Variants in CDKL2 observed in about 807,000 individuals in gnomAD.
CDKL2 encodes cyclin dependent kinase like 2.
In CDKL2, 64 loss-of-function variants were observed where a neutral mutation model predicts 63.9. The ratio of observed to expected loss-of-function variants is 1.00; its 90% confidence interval spans 0.82 to 1.23. CDKL2 has a LOEUF of 1.23. CDKL2 is among the 50% of genes most tolerant of loss of function. CDKL2 has a pLI of 0.00. For synonymous variants in CDKL2, 211 were observed against 229.2 expected (o/e 0.92, Z 0.72); for missense variants, 656 against 668.0 (o/e 0.98, Z 0.20).
Position 75,596,350 on chromosome 4 carries a change from CAA to C in CDKL2, c.1323-12_1323-11del. On this transcript the variant is annotated splice_polypyrimidine_tract_variant and intron_variant, in intron 9 of 13. Transcript: ENST00000307465. ...AGTTTTCTCATCCACTCTGTAACGACAAAAAAAAATGTTTTTAAGTTAGAACC... is the reference window on the plus strand; with the variant it reads ...AGTTTTCTCATCCACTCTGTAACGACAAAAAAATGTTTTTAAGTTAGAACC... 10 of 1,476,840 alleles carry C rather than the reference CAA, an allele frequency of 6.8e-6. No individual in the cohort carries two copies. Among genetic ancestry groups the C allele is most frequent in the Middle Eastern group, 1.8e-4 (1 of 5,566 alleles). The allele number at this position is 1,476,840 out of a possible 1,614,324, so 91.5% of individuals were successfully genotyped here. A position where few individuals can be genotyped will look rare whatever the true frequency, so the allele number is the denominator to read the frequency against.
chr4:75,596,030 AAGAAAGG>A (rs1728915264), intron 10 of CDKL2: 1 of 50,300 alleles, frequency 2.0e-5, no homozygotes, highest in African/African-American at 2.0e-4. Flanking sequence ...GGAAGGAAGG[AAGAAAGG>A]AAGGAAGGAG....
rs1213989376 is a variant in CDKL2, at chr4:75,576,583, G to GA, written c.*2618dup. On this transcript the variant is annotated 3_prime_UTR_variant, in exon 14 of 14. Coordinates refer to ENST00000307465, the MANE Select transcript of CDKL2 (RefSeq NM_001330724.2). ...AACACTTAATGCAAAAAACAACAGA[G>GA]AAAAATCCATTCAGTCCAATTCACT... Among the ~76,000 whole-genome samples the GA allele has an allele frequency of 3.9e-5, 6 of 152,264 alleles. No individual in the cohort carries two copies. In the East Asian group the frequency reaches 9.6e-4, roughly 24 times the overall value.
chr4:75,610,189 C>T (rs1729626662), intron 3 of CDKL2, among the ~76,000 whole-genome samples: 1 of 142,158 alleles, frequency 7.0e-6, no homozygotes. Flanking sequence ...GGCGACAGAG[C>T]GAGCCTCCAT....
intron 13 of CDKL2, among the ~76,000 whole-genome samples, chr4:75,579,411 C>T (rs935732193): frequency 2.0e-5 from 3 of 152,210 alleles, no homozygotes; most frequent in South Asian, 4.1e-4. Context: ...CAGTGGCTCA[C>T]GCCTGTAATC....
chr4:75,586,222 CCTTT>C (rs1216195763), intron 12 of CDKL2, among the ~76,000 whole-genome samples: 55 of 114,496 alleles, frequency 4.8e-4, no homozygotes, highest in African/African-American at 1.8e-3. Flanking sequence ...TTTGGACTAA[CCTTT>C]CTTTTTTTTT....
At chr4:75,596,903 C>A in intron 9 of CDKL2, 32 bp downstream of exon 9, 4 of 1,561,214 alleles carry the variant, frequency 2.6e-6, no homozygotes, top group Non-Finnish European at 3.5e-6. Context: ...TGTCCTTAAA[C>A]ACTTTTTTGA....
intron 1 of CDKL2, among the ~76,000 whole-genome samples, chr4:75,627,762 C>G (rs1271395719): frequency 2.9e-5 from 3 of 103,802 alleles, no homozygotes; most frequent in African/African-American, 1.1e-4. Context: ...GAAACGGAGT[C>G]TCGTGCACTG....
At position 75,613,954 on chromosome 4, in the gene CDKL2, G is replaced by A. The variant is rs574439029; in HGVS notation, c.363+301C>T. On this transcript the variant is annotated intron_variant, in intron 3 of 13. Transcript: ENST00000307465. ...TGCCTGTAATCCCAGCTACTCAGGA[G>A]GCTGAGGCAAGAGAATCACTTGAAC... Among the ~76,000 whole-genome samples, 5 of 152,258 alleles carry A rather than the reference G, an allele frequency of 3.3e-5. No individual in the cohort carries two copies. The East Asian group carries it at 7.7e-4, about 24-fold the overall frequency.
chr4:75,614,115 A>G (rs1459993316), intron 3 of CDKL2, 140 bp downstream of exon 3: 4 of 550,858 alleles, frequency 7.3e-6, no homozygotes, highest in Non-Finnish European at 1.3e-5. Flanking sequence ...ACTCCAATTA[A>G]TAGATGCACA....
In CDKL2 at chr4:75,598,064, C is replaced by T. The variant is rs1729017806; in HGVS notation, c.1020+13G>A. 2 of 1,452,978 alleles carry T rather than the reference C, an allele frequency of 1.4e-6. No individual in the cohort carries two copies. Among genetic ancestry groups the T allele is most frequent in the East Asian group, 4.9e-5 (2 of 41,060 alleles). The allele number at this position is 1,452,978 out of a possible 1,614,324, so 90.0% of individuals were successfully genotyped here. On this transcript the variant is annotated intron_variant, in intron 8 of 13. Transcript: ENST00000307465. Reference sequence around the variant, plus strand: ...AGTATATTAAATCTAAAATGTGAAACATGAACATTTACCTGTACCACAAGT... The same window carrying T: ...AGTATATTAAATCTAAAATGTGAAATATGAACATTTACCTGTACCACAAGT...
intron 2 of CDKL2, among the ~76,000 whole-genome samples, chr4:75,616,019 A>C (rs920309103): frequency 1.3e-5 from 2 of 152,220 alleles, no homozygotes; most frequent in African/African-American, 4.8e-5. Context: ...TGAAAAAACA[A>C]AACACTAAAG....
chr4:75,618,088 G>A lies in CDKL2; in HGVS notation c.169-3639C>T, dbSNP rs541899797. ...TGCACTCCAACCTGGGCAACAGAGC[G>A]AGACTCTGTCTCAAAAAAAAAAAAA... On this transcript the variant is annotated intron_variant, in intron 2 of 13. Transcript: ENST00000307465. Among the ~76,000 whole-genome samples, 563 of 113,212 alleles carry A rather than the reference G, an allele frequency of 5.0e-3. 5 individuals are homozygous for A. Among genetic ancestry groups the A allele is most frequent in the Non-Finnish European group, 6.7e-3 (388 of 58,122 alleles). The allele number at this position is 113,212 out of a possible 152,430, so 74.3% of individuals were successfully genotyped here.
chr4:75,590,477 G>A (rs566192013), intron 12 of CDKL2, among the ~76,000 whole-genome samples: 1 of 152,352 alleles, frequency 6.6e-6, no homozygotes, highest in South Asian at 2.1e-4. Flanking sequence ...CACTTCAGGA[G>A]GCTGAGGCAG....
chr4:75,583,373 A>G (rs377319867), intron 12 of CDKL2, among the ~76,000 whole-genome samples: 2 of 152,240 alleles, frequency 1.3e-5, no homozygotes, highest in South Asian at 4.1e-4. Flanking sequence ...TAGCTCAGGA[A>G]CACAGGTAAG....
In CDKL2 at chr4:75,578,009, A is replaced by AC. The variant is rs1560567944; in HGVS notation, c.*1192_*1193insG. The AC allele has an allele frequency of 6.6e-6, 1 of 152,186 alleles. No homozygotes were observed. The highest frequency in any genetic ancestry group is 1.5e-5 in the Non-Finnish European group (1 of 67,960). 9.4% of individuals were successfully genotyped at this position (152,186 alleles called of 1,614,324 possible). ...ATTAGTTAAGGCAAAAAAAAAAAAA[A>AC]AACTCACAAATTCTGGTTCCCTAAA... On this transcript the variant is annotated 3_prime_UTR_variant, in exon 14 of 14. Coordinates refer to ENST00000307465, the MANE Select transcript of CDKL2 (RefSeq NM_001330724.2).
At chr4:75,593,435 G>A (rs1035224053) in intron 10 of CDKL2, among the ~76,000 whole-genome samples, 2 of 151,976 alleles carry the variant, frequency 1.3e-5, no homozygotes, top group South Asian at 2.1e-4. Flanking sequence ...AGCTCTGCTT[G>A]CATTAATTTT....
At chr4:75,584,420 C>G (rs1728384078) in intron 12 of CDKL2, among the ~76,000 whole-genome samples, 2 of 152,128 alleles carry the variant, frequency 1.3e-5, no homozygotes, top group African/African-American at 4.8e-5. Context: ...CCCAAGTGAA[C>G]CTGGAAATGG....
chr4:75,608,432 TG>T (rs1210793691), intron 3 of CDKL2, among the ~76,000 whole-genome samples: 1 of 151,868 alleles, frequency 6.6e-6, no homozygotes. Flanking sequence ...GCCAGAAAAC[TG>T]TTTTTTCTAG....
At chr4:75,587,397 C>T (rs557865684) in intron 12 of CDKL2, among the ~76,000 whole-genome samples, 12 of 151,906 alleles carry the variant, frequency 7.9e-5, no homozygotes, top group Non-Finnish European at 1.5e-4. Flanking sequence ...GAGGTTGCAG[C>T]GAGTTGAGAT....
Sources: gnomAD v4.1 joint callset for allele counts (sites outside exome capture counted in the v4.1 genomes callset) on GRCh38, gnomAD v4.1.1 for gene constraint, MANE v1.5 for transcripts, NCBI Gene and HGNC (gene_info 2026-07-23, HGNC 2026-07-21) for gene names.